Variants in KMT2E observed in about 807,000 individuals in gnomAD.
The protein encoded by KMT2E is histone reader KMT2E.
A neutral mutation model predicts 184.6 loss-of-function variants in KMT2E; 30 were observed. The observed-to-expected ratio is 0.16, with a 90% confidence interval of 0.12 to 0.22. KMT2E has a LOEUF of 0.22. KMT2E is among the 10% of genes least tolerant of loss of function. KMT2E has a pLI of 1.00. For synonymous variants in KMT2E, 815 were observed against 776.5 expected, an observed-to-expected ratio of 1.05 and a Z score of -0.82; for missense variants, 2,023 against 2,237.4, an observed-to-expected ratio of 0.90 and a Z score of 1.93.
At chr7:105,110,162 A>G (rs1192539021) in intron 23 of KMT2E, 118 bp from the exon 24 acceptor site, 4 of 815,482 alleles carry the variant, frequency 4.9e-6, no homozygotes, top group African/African-American at 1.7e-5. Context: ...GGTTAACACC[A>G]AAGTATTTTC....
intron 3 of KMT2E, among the ~76,000 whole-genome samples, chr7:105,043,111 GA>G (rs1407229549): frequency 6.6e-6 from 1 of 152,116 alleles, no homozygotes; most frequent in Non-Finnish European, 1.5e-5. Flanking sequence ...TCCAGTTTCT[GA>G]GGAATTAGAG....
chr7:105,045,481 C>G (rs1004352734), intron 3 of KMT2E, among the ~76,000 whole-genome samples: 2 of 152,160 alleles, frequency 1.3e-5, no homozygotes, highest in Non-Finnish European at 2.9e-5. Context: ...CTCATAACCT[C>G]TATTGTAGTT....
rs938849254 is a variant in KMT2E at position 105,105,368 on chromosome 7, C to G, written c.2197-71C>G. The stretch of plus-strand genomic sequence containing the variant: ...TTTAGATAATACACCAATTTCAAAT[C>G]TGGTATTAGAATATTCAAGGGAGAA... On this transcript the variant is annotated intron_variant, in intron 17 of 26. Transcript: ENST00000311117. The G allele has an allele frequency of 4.4e-6, 5 of 1,142,190 alleles. No individual in the cohort carries two copies. The African/African-American group carries it at 7.9e-5, about 18-fold the overall frequency. 70.8% of individuals were successfully genotyped at this position (1,142,190 alleles called of 1,614,324 possible).
intron 3 of KMT2E, among the ~76,000 whole-genome samples, chr7:105,058,571 T>C (rs1796665471): frequency 6.6e-6 from 1 of 152,206 alleles, no homozygotes. Context: ...GAGAATATAC[T>C]TACATTTTAG....
chr7:105,050,189 A>T (rs1796269910), intron 3 of KMT2E, among the ~76,000 whole-genome samples: 1 of 151,966 alleles, frequency 6.6e-6, no homozygotes, highest in East Asian at 1.9e-4. Flanking sequence ...CACTACTATA[A>T]CCTCCTGTGT....
At position 105,107,567 on chromosome 7, in the gene KMT2E, A is replaced by T; in HGVS notation, c.3110A>T (p.Lys1037Ile). The T allele has an allele frequency of 6.2e-7, 1 of 1,614,076 alleles. No individual in the cohort carries two copies. ...GCAGTTGAGCCAACTGCCCTACATAAAACCCTGGAAACGCCTGCACATGAC... is the reference window on the plus strand; with the variant it reads ...GCAGTTGAGCCAACTGCCCTACATATAACCCTGGAAACGCCTGCACATGAC... The part of the protein sequence containing the change: ...LDAVEPTALH[K>I]TLETPAHDRA... The change falls in exon 22 of 27, where the codon AAA (lysine) becomes ATA (isoleucine). Residue 1037 changes from lysine to isoleucine, a missense_variant. By Grantham distance (102) the Lys-to-Ile change is moderately radical. This residue lies in a region of KMT2E where 1,108 missense variants were observed against 1,050.9 expected (regional missense o/e 1.05). Transcript: ENST00000311117.
intron 15 of KMT2E, among the ~76,000 whole-genome samples, chr7:105,094,273 T>G (rs1798319024): frequency 6.6e-6 from 1 of 152,148 alleles, no homozygotes; most frequent in Non-Finnish European, 1.5e-5. Flanking sequence ...AGTCAAAAAG[T>G]GACAAAGAGG....
At chr7:105,093,042 A>G (rs899703911) in intron 15 of KMT2E, among the ~76,000 whole-genome samples, 3 of 152,108 alleles carry the variant, frequency 2.0e-5, no homozygotes, top group African/African-American at 7.2e-5. Context: ...AAAAAATTTA[A>G]AAATTAGCCA....
Position 105,091,197 on chromosome 7 carries a change from A to G in KMT2E, c.1624-19A>G. On this transcript the variant is annotated intron_variant, in intron 14 of 26. Transcript: ENST00000311117. ...GATGGAATAATAGTTTGTATAAAGA[A>G]GTCATTTCCATTTTTCAGGAACCAG... 2.7e-6 allele frequency: 3 copies of G among 1,107,430 alleles called. No individual in the cohort carries two copies. Among genetic ancestry groups the G allele is most frequent in the Non-Finnish European group, 4.1e-6 (3 of 724,560 alleles). The allele number at this position is 1,107,430 out of a possible 1,614,324, so 68.6% of individuals were successfully genotyped here. A position where few individuals can be genotyped will look rare whatever the true frequency, so the allele number is the denominator to read the frequency against.
chr7:105,103,349 G>C (rs1798740978), intron 17 of KMT2E: 1 of 152,112 alleles, frequency 6.6e-6, no homozygotes, highest in African/African-American at 2.4e-5. Flanking sequence ...CATACTGTTT[G>C]ACAGAGTACC....
chr7:105,095,997 G>T (rs1798394645), intron 15 of KMT2E, among the ~76,000 whole-genome samples: 1 of 152,124 alleles, frequency 6.6e-6, no homozygotes, highest in South Asian at 2.1e-4. Flanking sequence ...GCTCACGCCT[G>T]CAACCCCAGC....
chr7:105,074,978 T>C (rs1797467596), intron 8 of KMT2E, among the ~76,000 whole-genome samples, 163 bp downstream of exon 8: 1 of 152,206 alleles, frequency 6.6e-6, no homozygotes, highest in African/African-American at 2.4e-5. Context: ...TTTTAACGTG[T>C]TTTAAAGATT....
In KMT2E at chr7:105,109,052, C is replaced by T. The variant is rs751973974; in HGVS notation, c.3579C>T (p.Ser1193=). 12 of 1,614,036 alleles carry T rather than the reference C, an allele frequency of 7.4e-6. No individual in the cohort carries two copies. In the African/African-American group the frequency reaches 1.1e-4, roughly 14 times the overall value. ...SVSPHASGSL[S]NNGDGCASSN... ...CACCCCATGCAAGTGGAAGCTTGAGCAACAATGGTGATGGCTGTGCCAGCA... is the reference window on the plus strand; with the variant it reads ...CACCCCATGCAAGTGGAAGCTTGAGTAACAATGGTGATGGCTGTGCCAGCA... Residue 1193 remains serine (S), a synonymous_variant, in exon 23 of 27, where the codon AGC becomes AGT. Transcript: ENST00000311117.
intron 6 of KMT2E, among the ~76,000 whole-genome samples, chr7:105,067,562 G>A (rs1017237490): frequency 6.6e-6 from 1 of 151,922 alleles, no homozygotes; most frequent in African/African-American, 2.4e-5. Flanking sequence ...CCCTTTACAT[G>A]TTGTTTTAAG....
chr7:105,073,562 T>A (rs1584761066), intron 6 of KMT2E, 57 bp from the exon 7 acceptor site: 1 of 1,095,202 alleles, frequency 9.1e-7, no homozygotes, highest in East Asian at 2.4e-5. Flanking sequence ...TTTATCACAT[T>A]TAAGACAGAT....
At chr7:105,059,781 T>G (rs1055540826) in intron 3 of KMT2E, among the ~76,000 whole-genome samples, 2 of 152,008 alleles carry the variant, frequency 1.3e-5, no homozygotes, top group Non-Finnish European at 2.9e-5. Flanking sequence ...TAGAGAAAGA[T>G]ACATGGCAAT....
intron 22 of KMT2E, chr7:105,108,449 T>G: frequency 5.3e-6 from 2 of 379,858 alleles, no homozygotes; most frequent in Non-Finnish European, 5.3e-6. Context: ...GAATGCCTTA[T>G]TTCAAAAGAA....
intron 13 of KMT2E, among the ~76,000 whole-genome samples, chr7:105,084,925 T>A (rs986916340): frequency 6.6e-6 from 1 of 152,226 alleles, no homozygotes; most frequent in Non-Finnish European, 1.5e-5. Context: ...AAGGTCTGTA[T>A]GTGTGTGCAT....
chr7:105,064,358 C>G lies in KMT2E; in HGVS notation c.416+778C>G, dbSNP rs558555631. ...CTTTACAGAATTTCCTGGGTCTGGT[C>G]ATTATGGTGTTGCTTAATTATTTGA... On this transcript the variant is annotated intron_variant, in intron 5 of 26. Transcript: ENST00000311117. Among the ~76,000 whole-genome samples, 3 of 151,560 alleles carry G rather than the reference C, an allele frequency of 2.0e-5. No individual in the cohort carries two copies. In the South Asian group the frequency reaches 6.3e-4, roughly 32 times the overall value.
Sources: allele counts gnomAD v4.1 joint callset (sites outside exome capture counted in the v4.1 genomes callset), GRCh38; gene constraint gnomAD v4.1.1; regional missense constraint gnomAD v4.1.1; transcripts MANE v1.5; gene names NCBI Gene and HGNC (gene_info 2026-07-23, HGNC 2026-07-21).